The following ENOX2 variants were observed in gnomAD, a reference collection of about 807,000 sequenced individuals.
ENOX2 encodes ecto-NOX disulfide-thiol exchanger 2.
Under a neutral mutation model 45.0 loss-of-function variants are expected in ENOX2, and 36 were observed. The ratio of observed to expected loss-of-function variants is 0.80; its 90% confidence interval spans 0.61 to 1.06. ENOX2 has a LOEUF of 1.06. ENOX2 is among the 50% of genes least tolerant of loss of function. ENOX2 has a pLI of 0.00. For missense variants in ENOX2, 423 were observed against 462.5 expected, an observed-to-expected ratio of 0.91 and a Z score of 0.78; for synonymous variants, 174 against 152.3, an observed-to-expected ratio of 1.14 and a Z score of -1.05.
intron 9 of ENOX2, among the ~76,000 whole-genome samples, chrX:130,660,689 G>T (rs1316715746): frequency 8.9e-6 from 1 of 112,474 alleles, no homozygotes; most frequent in Non-Finnish European, 1.9e-5. Flanking sequence ...TCAGCAATTT[G>T]CATTTGTAAA....
In ENOX2 at chrX:130,631,577, C is replaced by G; in HGVS notation, c.1420-1G>C. ...CACACAGCCTAGAAGCACAGCTTTC[C>G]TGTGGACACAACATGCTTCTAGGTC... On this transcript the variant is annotated splice_acceptor_variant, in intron 12 of 14. Transcript: ENST00000394363. LOFTEE classifies it high-confidence loss of function. 3 of 1,129,919 alleles carry G rather than the reference C, an allele frequency of 2.7e-6. No homozygotes were observed. The highest frequency in any genetic ancestry group is 3.7e-6 in the Non-Finnish European group (3 of 821,078). The allele number at this position is 1,129,919 out of a possible 1,213,427, so 93.1% of individuals were successfully genotyped here.
At chrX:130,770,164 A>G (rs1238294401) in intron 3 of ENOX2, among the ~76,000 whole-genome samples, 1 of 112,124 alleles carries the variant, frequency 8.9e-6, no homozygotes, top group East Asian at 2.8e-4. Context: ...CCACAGCTCT[A>G]AGACAGGTGT....
chrX:130,754,724 G>A (rs758376971), intron 3 of ENOX2, among the ~76,000 whole-genome samples: 14 of 109,750 alleles, frequency 1.3e-4, no homozygotes, highest in Admixed American at 6.8e-4. Context: ...CAATCAACAC[G>A]GGGGATTACA....
Position 130,814,724 on chromosome X carries a change from C to G in ENOX2, c.-182-31034G>C, listed in dbSNP as rs144989082. 9.3e-3 allele frequency among the ~76,000 whole-genome samples: 1,043 copies of G among 111,760 alleles called. 12 individuals carry two copies. The highest frequency in any genetic ancestry group is 0.032 in the African/African-American group (969 of 30,691). On this transcript the variant is annotated intron_variant, in intron 2 of 14. Transcript: ENST00000394363. The stretch of plus-strand genomic sequence containing the variant: ...AACATCAACAAAAAGGACCTCCACA[C>G]AGAAACCCCATCTGATGGTCACCAA...
chrX:130,778,791 G>T (rs2039912798), intron 3 of ENOX2, among the ~76,000 whole-genome samples: 2 of 111,939 alleles, frequency 1.8e-5, no homozygotes, highest in Non-Finnish European at 3.8e-5. Context: ...TACTTTTGAC[G>T]CATTTAAGGA....
intron 2 of ENOX2, among the ~76,000 whole-genome samples, chrX:130,841,521 A>G (rs760203622): frequency 2.0e-4 from 22 of 112,390 alleles, no homozygotes; most frequent in Non-Finnish European, 3.6e-4. Flanking sequence ...AGGAATAAAC[A>G]GCAGAATTTC....
rs767881156 is a variant in ENOX2, at chrX:130,656,677, T to C, written c.1033A>G (p.Asn345Asp). 1.8e-6 allele frequency: 2 copies of C among 1,136,833 alleles called. No homozygotes were observed. The highest frequency in any genetic ancestry group is 2.3e-5 in the Admixed American group (1 of 43,505). The allele number at this position is 1,136,833 out of a possible 1,213,427, so 93.7% of individuals were successfully genotyped here. ...CGCCTGATTCCCATTAATTCATCAT[T>C]ATGAATGTTGCGAATTTCCTAAGGT... ...KQAEEIRNIH[N>D]DELMGIRREE... Residue 345 changes from asparagine (N) to aspartate (D), a missense_variant, in exon 10 of 15, where the codon AAT becomes GAT. Physicochemically the swap from Asn to Asp is conservative, Grantham distance 23. Transcript: ENST00000394363.
intron 6 of ENOX2, 37 bp downstream of exon 6, chrX:130,679,505 T>C (rs1340212788): frequency 1.2e-5 from 13 of 1,096,356 alleles, no homozygotes; most frequent in Non-Finnish European, 1.6e-5. Context: ...ATCTGCGTTG[T>C]GCCTGGTGGG....
At chrX:130,672,770 G>A (rs1361873297) in intron 6 of ENOX2, among the ~76,000 whole-genome samples, 1 of 111,918 alleles carries the variant, frequency 8.9e-6, no homozygotes, top group African/African-American at 3.2e-5. Context: ...GCCTGTCTAA[G>A]AAGTGGAGCT....
chrX:130,628,612 G>A (rs753727820), intron 13 of ENOX2, among the ~76,000 whole-genome samples: 50 of 112,491 alleles, frequency 4.4e-4, no homozygotes, highest in African/African-American at 1.3e-3. Flanking sequence ...GTATTATTTT[G>A]TGAACAGCTC....
At chrX:130,768,641 A>G (rs1486491359) in intron 3 of ENOX2, among the ~76,000 whole-genome samples, 1 of 112,040 alleles carries the variant, frequency 8.9e-6, no homozygotes, top group Non-Finnish European at 1.9e-5. Context: ...GAGGAAAACT[A>G]ACCATGAGTG....
intron 9 of ENOX2, among the ~76,000 whole-genome samples, chrX:130,660,701 C>T (rs1305252414): frequency 8.9e-6 from 1 of 112,504 alleles, no homozygotes; most frequent in Non-Finnish European, 1.9e-5. Flanking sequence ...ATTTGTAAAT[C>T]TCTACCTGAA....
intron 2 of ENOX2, among the ~76,000 whole-genome samples, chrX:130,812,633 G>T (rs768897448): frequency 1.8e-5 from 2 of 112,017 alleles, no homozygotes; most frequent in East Asian, 5.6e-4. Flanking sequence ...TAATTACCAT[G>T]AATGTAAATG....
At chrX:130,797,139 A>G (rs1222916654) in intron 2 of ENOX2, among the ~76,000 whole-genome samples, 1 of 111,689 alleles carries the variant, frequency 9.0e-6, no homozygotes, top group African/African-American at 3.3e-5. Flanking sequence ...ACATTGTGGG[A>G]GGTAGGACTT....
At chrX:130,869,759 T>G (rs1361310553) in intron 2 of ENOX2, among the ~76,000 whole-genome samples, 1 of 111,830 alleles carries the variant, frequency 8.9e-6, no homozygotes, top group Non-Finnish European at 1.9e-5. Context: ...CCTTCAAGAC[T>G]CAGATCAAAT....
chrX:130,791,899 T>C (rs966966328), intron 2 of ENOX2, among the ~76,000 whole-genome samples: 11 of 112,180 alleles, frequency 9.8e-5, no homozygotes, highest in African/African-American at 3.6e-4. Context: ...ATAAAAGAGA[T>C]CCCATATATG....
intron 3 of ENOX2, among the ~76,000 whole-genome samples, chrX:130,716,936 G>C (rs1429678103): frequency 9.0e-6 from 1 of 111,322 alleles, no homozygotes; most frequent in Non-Finnish European, 1.9e-5. Context: ...CTATTTGTGT[G>C]GTGTGTGTGT....
rs1470632043 is a variant in ENOX2 at position 130,654,296 on chromosome X, G to C, written c.1129+2285C>G. Among the ~76,000 whole-genome samples the C allele has an allele frequency of 3.6e-5, 4 of 111,587 alleles. 1 individual carries two copies. The highest frequency in any genetic ancestry group is 7.5e-5 in the Non-Finnish European group (4 of 53,073). On this transcript the variant is annotated intron_variant, in intron 10 of 14. Transcript: ENST00000394363. ...ACAAATATGGGCTGGCTAATATAGA[G>C]TCTCTCAAATAACAGAAATTTTGTG...
At chrX:130,792,680 C>A (rs758261615) in intron 2 of ENOX2, among the ~76,000 whole-genome samples, 1 of 111,522 alleles carries the variant, frequency 9.0e-6, no homozygotes, top group African/African-American at 3.3e-5. Flanking sequence ...GTAATCCCAG[C>A]TACTCAGGAG....
Sources: allele counts gnomAD v4.1 joint callset (sites outside exome capture counted in the v4.1 genomes callset), GRCh38; gene constraint gnomAD v4.1.1; transcripts MANE v1.5; gene names NCBI Gene and HGNC (gene_info 2026-07-23, HGNC 2026-07-21).